Variants in ADARB2 observed in about 807,000 individuals in gnomAD.
ADARB2 encodes the protein inactive double-stranded RNA-specific editase B2.
A neutral mutation model predicts 62.2 loss-of-function variants in ADARB2; 25 were observed. That is an observed-to-expected ratio of 0.40 (90% confidence interval 0.29 to 0.56). The LOEUF is 0.56. ADARB2 is among the 20% of genes least tolerant of loss of function. The pLI is 0.43. For missense variants in ADARB2, 1,071 were observed against 1,077.4 expected (o/e 0.99, Z 0.08); for synonymous variants, 572 against 500.8 (o/e 1.14, Z -1.90).
intron 8 of ADARB2, among the ~76,000 whole-genome samples, chr10:1,192,825 C>T (rs907556058): frequency 6.6e-6 from 1 of 152,194 alleles, no homozygotes; most frequent in Non-Finnish European, 1.5e-5. Flanking sequence ...TGCCTGTAGT[C>T]CCAGCTACTT....
Position 1,576,941 on chromosome 10 carries a change from G to C in ADARB2, c.100+160110C>G, listed in dbSNP as rs929087637. On this transcript the variant is annotated intron_variant, in intron 1 of 9. Transcript: ENST00000381312. ...GGAGGCAGTGAGGTGTCTCCAAGGG[G>C]CTGGGGCTGGGTGACAGCGGGCCTC... Among the ~76,000 whole-genome samples, 5 of 152,162 alleles carry C rather than the reference G, an allele frequency of 3.3e-5. No individual in the cohort carries two copies. In the South Asian group the frequency reaches 6.2e-4, roughly 19 times the overall value.
chr10:1,585,405 C>T (rs151111812), intron 1 of ADARB2, among the ~76,000 whole-genome samples: 105 of 152,302 alleles, frequency 6.9e-4, no homozygotes, highest in African/African-American at 2.4e-3. Context: ...AAGCTACATG[C>T]TTCCCTCGTG....
rs80112218 is a variant in ADARB2, at chr10:1,728,795, A to G, written c.100+8256T>C. ...CTTTAGTTCCTGAGAGTGAAACAGT[A>G]TAAGGATGTTGGAATAATGCTTTGC... On this transcript the variant is annotated intron_variant, in intron 1 of 9. Transcript: ENST00000381312. Among the ~76,000 whole-genome samples the G allele has an allele frequency of 1.0e-2, 1,522 of 152,332 alleles. 22 individuals carry two copies. Among genetic ancestry groups the G allele is most frequent in the African/African-American group, 0.028 (1,163 of 41,574 alleles).
intron 1 of ADARB2, among the ~76,000 whole-genome samples, chr10:1,602,939 C>T (rs371363895): frequency 8.1e-5 from 12 of 148,894 alleles, no homozygotes; most frequent in Non-Finnish European, 1.3e-4. Flanking sequence ...GCACATCATG[C>T]GCACACCTGT....
intron 3 of ADARB2, among the ~76,000 whole-genome samples, chr10:1,281,887 T>C (rs1355524971): frequency 6.6e-6 from 1 of 152,268 alleles, no homozygotes; most frequent in Non-Finnish European, 1.5e-5. Flanking sequence ...ACTAACATTT[T>C]ATAAAGGCAA....
At chr10:1,567,798 A>G (rs188013071) in intron 1 of ADARB2, among the ~76,000 whole-genome samples, 378 of 152,230 alleles carry the variant, frequency 2.5e-3, no homozygotes, top group African/African-American at 8.5e-3. Context: ...GGGCTCAAAG[A>G]GCGTTTGTTG....
chr10:1,693,257 T>C (rs1834695868), intron 1 of ADARB2, among the ~76,000 whole-genome samples: 1 of 152,140 alleles, frequency 6.6e-6, no homozygotes, highest in Admixed American at 6.6e-5. Flanking sequence ...GCGCTTCATT[T>C]TCCACATGAA....
chr10:1,345,034 G>C (rs1832065793), intron 3 of ADARB2, among the ~76,000 whole-genome samples: 1 of 152,206 alleles, frequency 6.6e-6, no homozygotes, highest in African/African-American at 2.4e-5. Context: ...GCACATGGAG[G>C]AAACCGCCGC....
intron 1 of ADARB2, among the ~76,000 whole-genome samples, chr10:1,428,500 G>T (rs1384756967): frequency 6.6e-6 from 1 of 151,330 alleles, no homozygotes. Flanking sequence ...TGTTAGCCAG[G>T]ATGGTCTCGA....
At chr10:1,319,839 C>T (rs1831779817) in intron 3 of ADARB2, among the ~76,000 whole-genome samples, 1 of 152,174 alleles carries the variant, frequency 6.6e-6, no homozygotes, top group Non-Finnish European at 1.5e-5. Flanking sequence ...AGAGAGTCGC[C>T]ATGTTGTCTT....
chr10:1,495,425 A>G (rs776460229), intron 1 of ADARB2, among the ~76,000 whole-genome samples: 7 of 152,238 alleles, frequency 4.6e-5, no homozygotes, highest in Non-Finnish European at 7.3e-5. Context: ...AATAAAAAAT[A>G]TCATAGAGGT....
At chr10:1,660,036 C>A (rs1461690224) in intron 1 of ADARB2, among the ~76,000 whole-genome samples, 5 of 152,108 alleles carry the variant, frequency 3.3e-5, no homozygotes, top group African/African-American at 1.2e-4. Flanking sequence ...GGGGCTGTCT[C>A]CACCCTCTTC....
In ADARB2 at chr10:1,678,281, G is replaced by A. The variant is rs76387616; in HGVS notation, c.100+58770C>T. 5.7e-4 allele frequency: 559 copies of A among 985,238 alleles called. 3 individuals are homozygous for A. In the African/African-American group the frequency reaches 9.3e-3, roughly 16 times the overall value. 61.0% of individuals were successfully genotyped at this position (985,238 alleles called of 1,614,324 possible). A position where few individuals can be genotyped will look rare whatever the true frequency, so the allele number is the denominator to read the frequency against. ...TCCTCAGGGTGAGGGACCTCGGGGTGAGCGTCCTCGGGGTGAGCATCCTCA... is the reference window on the plus strand; with the variant it reads ...TCCTCAGGGTGAGGGACCTCGGGGTAAGCGTCCTCGGGGTGAGCATCCTCA... On this transcript the variant is annotated intron_variant, in intron 1 of 9. Coordinates refer to ENST00000381312, the MANE Select transcript of ADARB2 (RefSeq NM_018702.4).
At chr10:1,556,275 TTA>T (rs1491144335) in intron 1 of ADARB2, among the ~76,000 whole-genome samples, 3 of 141,432 alleles carry the variant, frequency 2.1e-5, no homozygotes, top group South Asian at 2.2e-4. Flanking sequence ...TTTTTTTTTT[TTA>T]AATTTCTTTA....
Position 1,601,024 on chromosome 10 carries a change from G to A in ADARB2, c.100+136027C>T, listed in dbSNP as rs186900101. On this transcript the variant is annotated intron_variant, in intron 1 of 9. Transcript: ENST00000381312. ...GCTCAGTCTCAGAGGCTGATGCTAC[G>A]TCTAATTCATGAGAGGAAGTGAGCT... Among the ~76,000 whole-genome samples, 317 of 152,308 alleles carry A rather than the reference G, an allele frequency of 2.1e-3. 3 individuals are homozygous for A. The highest frequency in any genetic ancestry group is 7.0e-3 in the African/African-American group (291 of 41,568).
intron 1 of ADARB2, among the ~76,000 whole-genome samples, chr10:1,593,119 C>T (rs576524042): frequency 2.5e-4 from 27 of 110,110 alleles, no homozygotes; most frequent in African/African-American, 9.7e-4. Context: ...CTGGCATGGT[C>T]CCCTCTGTCA....
At chr10:1,421,703 CTG>C (rs1294582737) in intron 1 of ADARB2, among the ~76,000 whole-genome samples, 1 of 152,134 alleles carries the variant, frequency 6.6e-6, no homozygotes, top group African/African-American at 2.4e-5. Context: ...TTAGTGTTGA[CTG>C]TTTGTTTTGT....
intron 1 of ADARB2, among the ~76,000 whole-genome samples, chr10:1,634,871 G>A (rs1833894208): frequency 6.6e-6 from 1 of 152,182 alleles, no homozygotes; most frequent in Admixed American, 6.5e-5. Context: ...AAAACCAGTA[G>A]TTACTTTCCA....
At chr10:1,448,351 T>C (rs1379114808) in intron 1 of ADARB2, among the ~76,000 whole-genome samples, 1 of 152,184 alleles carries the variant, frequency 6.6e-6, no homozygotes, top group African/African-American at 2.4e-5. Flanking sequence ...AAAGTGAACA[T>C]GGGTTTTATG....
Sources: gnomAD v4.1 joint callset for allele counts (sites outside exome capture counted in the v4.1 genomes callset) on GRCh38, gnomAD v4.1.1 for gene constraint, MANE v1.5 for transcripts, NCBI Gene and HGNC (gene_info 2026-07-23, HGNC 2026-07-21) for gene names.